CNTN1: variants seen among roughly 807,000 people sequenced by gnomAD.
CNTN1 encodes the protein contactin-1.
Under a neutral mutation model 126.4 loss-of-function variants are expected in CNTN1, and 38 were observed. The ratio of observed to expected loss-of-function variants is 0.30; its 90% CI spans 0.23 to 0.39. The LOEUF is 0.39. Among genes scored for constraint, CNTN1 ranks in the 10% least tolerant of loss-of-function variants. CNTN1 has a pLI of 1.00. For missense variants in CNTN1, 1,009 were observed against 1,248.4 expected, an observed-to-expected ratio of 0.81 and a Z score of 2.89; for synonymous variants, 413 against 422.6, an observed-to-expected ratio of 0.98 and a Z score of 0.28.
Position 41,046,795 on chromosome 12 carries a change from C to T in CNTN1, c.2980+17576C>T, listed in dbSNP as rs1292738983. On this transcript the variant is annotated intron_variant, in intron 23 of 23. Transcript: ENST00000551295. ...TCCTTAAATCTCCTCCCAACTCCAG[C>T]AGTTCTTCTACTTTCCCCTACCCAG... Among the ~76,000 whole-genome samples the T allele has an allele frequency of 3.3e-5, 5 of 150,432 alleles. No individual in the cohort carries two copies. The Admixed American group carries it at 3.3e-4, about 10-fold the overall frequency.
At chr12:40,730,600 A>G (rs1942472835) in intron 1 of CNTN1, among the ~76,000 whole-genome samples, 1 of 152,210 alleles carries the variant, frequency 6.6e-6, no homozygotes, top group African/African-American at 2.4e-5. Flanking sequence ...ATAGGAATGT[A>G]TCCAATGACT....
At chr12:40,766,554 A>G (rs1939105527) in intron 1 of CNTN1, among the ~76,000 whole-genome samples, 1 of 152,054 alleles carries the variant, frequency 6.6e-6, no homozygotes, top group African/African-American at 2.4e-5. Context: ...ACTGGCCTTT[A>G]AAAGGGGTGG....
chr12:40,899,583 C>T (rs1044547079), intron 1 of CNTN1, among the ~76,000 whole-genome samples: 4 of 152,116 alleles, frequency 2.6e-5, no homozygotes, highest in East Asian at 3.8e-4. Context: ...GTTGGCTGAA[C>T]GTGTGGCCCT....
intron 1 of CNTN1, among the ~76,000 whole-genome samples, chr12:40,793,435 A>G (rs1213636934): frequency 1.4e-5 from 2 of 147,128 alleles, no homozygotes; most frequent in Non-Finnish European, 3.0e-5. Context: ...GAAATTACAC[A>G]TTTTGTCCCC....
intron 1 of CNTN1, among the ~76,000 whole-genome samples, chr12:40,782,508 A>G (rs1899828): frequency 0.91 from 137,553 of 151,876 alleles, 62,419 homozygotes; most frequent in Middle Eastern, 0.95. Flanking sequence ...ACTAACTATA[A>G]TTTCATAATT....
chr12:41,046,851 T>TC (rs1949551029), intron 23 of CNTN1, among the ~76,000 whole-genome samples: 1 of 143,832 alleles, frequency 7.0e-6, no homozygotes, highest in African/African-American at 2.6e-5. Context: ...TTATTTCTTT[T>TC]TTTTTTTTTT....
chr12:40,837,164 C>T (rs545483216), intron 1 of CNTN1, among the ~76,000 whole-genome samples: 17 of 152,244 alleles, frequency 1.1e-4, no homozygotes, highest in African/African-American at 4.1e-4. Flanking sequence ...AGTGGGGCCT[C>T]AAGATGGCTG....
chr12:40,717,460 C>A (rs779753149), intron 1 of CNTN1, among the ~76,000 whole-genome samples: 1 of 152,114 alleles, frequency 6.6e-6, no homozygotes, highest in Non-Finnish European at 1.5e-5. Flanking sequence ...GATTTCCGAC[C>A]TAAAAATTTT....
At chr12:40,740,760 C>G (rs2136380863) in intron 1 of CNTN1, among the ~76,000 whole-genome samples, 1 of 152,044 alleles carries the variant, frequency 6.6e-6, no homozygotes, top group African/African-American at 2.4e-5. Context: ...GTGGGTTTTC[C>G]CATGTTGTTC....
At chr12:41,020,007 T>C (rs1276082617) in intron 19 of CNTN1, among the ~76,000 whole-genome samples, 1 of 152,116 alleles carries the variant, frequency 6.6e-6, no homozygotes, top group Non-Finnish European at 1.5e-5. Flanking sequence ...ATAGTTTTTT[T>C]TTGCTCACAG....
At chr12:40,766,110 C>T (rs566496614) in intron 1 of CNTN1, among the ~76,000 whole-genome samples, 1 of 152,118 alleles carries the variant, frequency 6.6e-6, no homozygotes. Context: ...GTAGTCCCAG[C>T]ACTTTGGGAG....
chr12:41,015,197 G>T (rs1948750906), intron 18 of CNTN1, among the ~76,000 whole-genome samples: 1 of 2,204 alleles, frequency 4.5e-4, no homozygotes, highest in Admixed American at 4.9e-3. Flanking sequence ...GCAAGATTTA[G>T]CAAAAAAAAA....
chr12:40,847,065 C>T (rs1411127852), intron 1 of CNTN1, among the ~76,000 whole-genome samples: 1 of 151,710 alleles, frequency 6.6e-6, no homozygotes, highest in African/African-American at 2.4e-5. Flanking sequence ...ACGGGGTTTC[C>T]CTATATTGGC....
intron 14 of CNTN1, among the ~76,000 whole-genome samples, chr12:40,953,476 C>T (rs192497071): frequency 3.1e-4 from 47 of 152,190 alleles, no homozygotes; most frequent in African/African-American, 1.1e-3. Context: ...GGAGTGCTTT[C>T]ATACATACAC....
chr12:40,875,109 C>A (rs1943625535), intron 1 of CNTN1, among the ~76,000 whole-genome samples: 1 of 152,140 alleles, frequency 6.6e-6, no homozygotes, highest in South Asian at 2.1e-4. Context: ...AATATAATGA[C>A]TCATGCCTAA....
chr12:40,817,382 T>C (rs1375808330), intron 1 of CNTN1, among the ~76,000 whole-genome samples: 3 of 152,016 alleles, frequency 2.0e-5, no homozygotes, highest in African/African-American at 7.2e-5. Flanking sequence ...TGTTGAATTG[T>C]TCCCTTTACC....
intron 1 of CNTN1, among the ~76,000 whole-genome samples, chr12:40,743,920 G>T (rs1938055891): frequency 6.6e-6 from 1 of 152,002 alleles, no homozygotes; most frequent in African/African-American, 2.4e-5. Flanking sequence ...ACAGTTTTGG[G>T]TTTCACATAT....
chr12:40,990,269 G>C (rs566511546), intron 16 of CNTN1, among the ~76,000 whole-genome samples: 1 of 152,112 alleles, frequency 6.6e-6, no homozygotes, highest in East Asian at 1.9e-4. Context: ...TAATCCTGGT[G>C]GGAATACTAT....
At chr12:40,879,856 A>T (rs1187567561) in intron 1 of CNTN1, among the ~76,000 whole-genome samples, 1 of 152,112 alleles carries the variant, frequency 6.6e-6, no homozygotes, top group Admixed American at 6.6e-5. Flanking sequence ...TCTGTTGGGC[A>T]TTTAGAAATT....
Sources: allele counts gnomAD v4.1 joint callset (sites outside exome capture counted in the v4.1 genomes callset), GRCh38; gene constraint gnomAD v4.1.1; transcripts MANE v1.5; gene names NCBI Gene and HGNC (gene_info 2026-07-23, HGNC 2026-07-21).